CCDC85C: variants seen among roughly 807,000 people sequenced by gnomAD.
The protein encoded by CCDC85C is coiled-coil domain containing 85C, also known as coiled-coil domain-containing protein 85C.
CCDC85C carries 18 observed loss-of-function variants against 38.3 expected under a neutral mutation model. The observed-to-expected ratio is 0.47, with a 90% CI of 0.33 to 0.70. The LOEUF (loss-of-function observed/expected upper bound fraction) is 0.70. Ranked by LOEUF, CCDC85C falls within the 30% of genes least tolerant of loss-of-function variation. The pLI is 0.03. For synonymous variants in CCDC85C, 264 were observed against 293.8 expected, an observed-to-expected ratio of 0.90 and a Z score of 1.04; for missense variants, 566 against 621.2, an observed-to-expected ratio of 0.91 and a Z score of 0.94.
intron 3 of CCDC85C, 22 bp from the exon 4 acceptor site, chr14:99,517,205 C>A: frequency 6.6e-7 from 1 of 1,511,334 alleles, no homozygotes; most frequent in South Asian, 1.3e-5. Context: ...AATCACACAT[C>A]TCAGCTCACC....
intron 1 of CCDC85C, among the ~76,000 whole-genome samples, chr14:99,540,657 G>A (rs8015299): frequency 0.018 from 2,672 of 152,292 alleles, 83 homozygotes; most frequent in African/African-American, 0.061. Flanking sequence ...CCCCTAACCC[G>A]TCTGGGGGCC....
At position 99,502,097 on chromosome 14, in the gene CCDC85C, A is replaced by G. The variant is rs1301201798; in HGVS notation, c.*13149T>C. ...TATTTATTTATAGTACTTTAATTAAATTTAGGGGAGAATAAGCAAATTAAT... is the reference window on the plus strand; with the variant it reads ...TATTTATTTATAGTACTTTAATTAAGTTTAGGGGAGAATAAGCAAATTAAT... On this transcript the variant is annotated 3_prime_UTR_variant, in exon 6 of 6. Transcript: ENST00000380243. 1.7e-6 allele frequency: 2 copies of G among 1,200,960 alleles called. No homozygotes were observed. Among genetic ancestry groups the G allele is most frequent in the Non-Finnish European group, 2.2e-6 (2 of 891,626 alleles). The allele number at this position is 1,200,960 out of a possible 1,614,324, so 74.4% of individuals were successfully genotyped here.
rs1897240845 is a variant in CCDC85C at position 99,517,198 on chromosome 14, C to A, written c.976-15G>T. On this transcript the variant is annotated splice_polypyrimidine_tract_variant and intron_variant, in intron 3 of 5. Coordinates refer to ENST00000380243, the MANE Select transcript of CCDC85C (RefSeq NM_001144995.2). ...CAGGCCGGGCCCTGGGGAAGGCAAT[C>A]ACACATCTCAGCTCACCCTGGCTGG... 2 of 1,526,584 alleles carry A rather than the reference C, an allele frequency of 1.3e-6. No homozygotes were observed. 94.6% of individuals were successfully genotyped at this position (1,526,584 alleles called of 1,614,324 possible).
At chr14:99,601,936 G>T (rs945839706) in intron 1 of CCDC85C, among the ~76,000 whole-genome samples, 2 of 122,316 alleles carry the variant, frequency 1.6e-5, no homozygotes, top group African/African-American at 3.1e-5. Flanking sequence ...ACCCCAACAC[G>T]TCTGCAGAGG....
At chr14:99,524,429 C>G (rs1440205399) in intron 2 of CCDC85C, among the ~76,000 whole-genome samples, 2 of 152,168 alleles carry the variant, frequency 1.3e-5, no homozygotes, top group Non-Finnish European at 2.9e-5. Flanking sequence ...CCGTCCCCTC[C>G]CCTCCCCCAG....
At position 99,501,770 on chromosome 14, in the gene CCDC85C, G is replaced by A. The variant is rs999651503; in HGVS notation, c.*13476C>T. On this transcript the variant is annotated 3_prime_UTR_variant, in exon 6 of 6. Coordinates refer to ENST00000380243, the MANE Select transcript of CCDC85C (RefSeq NM_001144995.2). ...TAGAGCCTTAACACTCTTTTGAGAGGCCAGGGATCTAATGAGGGGCCGTGG... is the reference window on the plus strand; with the variant it reads ...TAGAGCCTTAACACTCTTTTGAGAGACCAGGGATCTAATGAGGGGCCGTGG... 1 of 248,150 alleles carries A rather than the reference G, an allele frequency of 4.0e-6. No homozygotes were observed. 15.4% of individuals were successfully genotyped at this position (248,150 alleles called of 1,614,324 possible). A position where few individuals can be genotyped will look rare whatever the true frequency, so the allele number is the denominator to read the frequency against.
At chr14:99,598,395 G>A (rs535868906) in intron 1 of CCDC85C, among the ~76,000 whole-genome samples, 1 of 152,364 alleles carries the variant, frequency 6.6e-6, no homozygotes, top group East Asian at 1.9e-4. Context: ...GGAACTCAGA[G>A]GCCAGGCCTG....
Position 99,515,065 on chromosome 14 carries a change from G to A in CCDC85C, c.*181C>T, listed in dbSNP as rs1421781922. On this transcript the variant is annotated 3_prime_UTR_variant, in exon 6 of 6. Transcript: ENST00000380243. ...GTTGCTGGTGTATGAGGCGGGAGAT[G>A]GCGGCTTGGGCCAGTGCATCGGACC... 3.7e-6 allele frequency: 2 copies of A among 545,894 alleles called. No individual in the cohort carries two copies. Among genetic ancestry groups the A allele is most frequent in the Non-Finnish European group, 6.5e-6 (2 of 305,656 alleles). 33.8% of individuals were successfully genotyped at this position (545,894 alleles called of 1,614,324 possible). A position where few individuals can be genotyped will look rare whatever the true frequency, so the allele number is the denominator to read the frequency against.
intron 2 of CCDC85C, among the ~76,000 whole-genome samples, chr14:99,531,603 C>T (rs1386737124): frequency 3.4e-5 from 5 of 149,214 alleles, no homozygotes; most frequent in African/African-American, 9.9e-5. Flanking sequence ...GGTGGGACCG[C>T]GGGGAGTAGG....
chr14:99,599,676 A>T (rs573554578), intron 1 of CCDC85C, among the ~76,000 whole-genome samples: 1 of 151,936 alleles, frequency 6.6e-6, no homozygotes, highest in South Asian at 2.1e-4. Flanking sequence ...GACTGCTTGA[A>T]CCCAGGTGTT....
At position 99,586,627 on chromosome 14, in the gene CCDC85C, T is replaced by C. The variant is rs144683629; in HGVS notation, c.793+16540A>G. ...GGTTCCTCCTCCTGAAGCCCTTTCA[T>C]GATAAACGCGTCCATTTTTAGAAAG... is the stretch of plus-strand genomic sequence containing the variant. On this transcript the variant is annotated intron_variant, in intron 1 of 5. Transcript: ENST00000380243. Among the ~76,000 whole-genome samples the C allele has an allele frequency of 9.1e-4, 138 of 152,312 alleles. 1 individual carries two copies. The East Asian group carries it at 0.025, about 27-fold the overall frequency.
Position 99,516,370 on chromosome 14 carries a change from C to G in CCDC85C, c.1072-84G>C. On this transcript the variant is annotated intron_variant, in intron 4 of 5. Coordinates refer to ENST00000380243, the MANE Select transcript of CCDC85C (RefSeq NM_001144995.2). This position sits in a 1 kb window ranked among gnomAD's most constrained non-coding sequence, Gnocchi z 5.5. The stretch of plus-strand genomic sequence containing the variant: ...CACCTGGCCCCTGATCCTCAGCCTC[C>G]CCTGCTGCGAACCAAAGCTGAGGAC... 9.7e-7 allele frequency: 1 copy of G among 1,027,392 alleles called. No individual in the cohort carries two copies. The highest frequency in any genetic ancestry group is 1.5e-6 in the Non-Finnish European group (1 of 678,768). 63.6% of individuals were successfully genotyped at this position (1,027,392 alleles called of 1,614,324 possible).
intron 1 of CCDC85C, among the ~76,000 whole-genome samples, chr14:99,584,856 A>G (rs772283263): frequency 9.9e-5 from 15 of 152,236 alleles, no homozygotes; most frequent in Non-Finnish European, 1.6e-4. Flanking sequence ...TGGGAGGCTG[A>G]GGCAGGAGAA....
At chr14:99,538,446 C>G (rs1048606984) in intron 1 of CCDC85C, among the ~76,000 whole-genome samples, 1 of 152,256 alleles carries the variant, frequency 6.6e-6, no homozygotes, top group Admixed American at 6.5e-5. Context: ...ACAGCACCCC[C>G]ATGGGACTGT....
intron 1 of CCDC85C, among the ~76,000 whole-genome samples, chr14:99,579,028 G>A (rs923798847): frequency 6.6e-6 from 1 of 152,190 alleles, no homozygotes; most frequent in Non-Finnish European, 1.5e-5. Flanking sequence ...TCTCTCCATT[G>A]CTCATGAAGC....
chr14:99,523,232 A>G, intron 2 of CCDC85C, among the ~76,000 whole-genome samples: 1 of 152,146 alleles, frequency 6.6e-6, no homozygotes, highest in African/African-American at 2.4e-5. Flanking sequence ...GGAAGGCAGG[A>G]CAGGCTGCAG....
At chr14:99,596,670 T>C (rs932806381) in intron 1 of CCDC85C, among the ~76,000 whole-genome samples, 3 of 152,184 alleles carry the variant, frequency 2.0e-5, no homozygotes, top group African/African-American at 7.2e-5. Context: ...ATTTCTGACA[T>C]GTTATGATCA....
intron 2 of CCDC85C, among the ~76,000 whole-genome samples, chr14:99,529,761 C>A (rs1355397150): frequency 2.6e-5 from 4 of 152,192 alleles, no homozygotes; most frequent in African/African-American, 9.7e-5. Flanking sequence ...CAGAGCAGCT[C>A]CTCAACTTTC....
chr14:99,600,146 A>G (rs1017620218), intron 1 of CCDC85C, among the ~76,000 whole-genome samples: 2 of 152,264 alleles, frequency 1.3e-5, no homozygotes, highest in African/African-American at 2.4e-5. Context: ...CATTCAGGTG[A>G]GCTGTCTAAG....
Sources: allele counts gnomAD v4.1 joint callset (sites outside exome capture counted in the v4.1 genomes callset), GRCh38; gene constraint gnomAD v4.1.1; non-coding constraint Gnocchi (gnomAD v3.1); transcripts MANE v1.5; gene names NCBI Gene and HGNC (gene_info 2026-07-23, HGNC 2026-07-21).